TEPSIN: variants seen among roughly 807,000 people sequenced by gnomAD.
The protein encoded by TEPSIN is AP-4 complex accessory subunit tepsin.
A neutral mutation model predicts 48.5 loss-of-function variants in TEPSIN; 50 were observed. The observed-to-expected ratio is 1.03, with a 90% CI of 0.82 to 1.31. TEPSIN has a LOEUF of 1.31. Ranked by LOEUF, TEPSIN falls within the 50% of genes most tolerant of loss-of-function variation. The pLI, the probability that TEPSIN is intolerant of heterozygous loss-of-function variation, is 0.00. For missense variants in TEPSIN, 838 were observed against 815.9 expected (o/e 1.03, Z -0.33); for synonymous variants, 392 against 358.8 (o/e 1.09, Z -1.05).
chr17:81,229,707 C>T lies in TEPSIN; in HGVS notation c.1234-231G>A, dbSNP rs1178227395. 3 of 569,428 alleles carry T rather than the reference C, an allele frequency of 5.3e-6. 1 individual carries two copies. In the East Asian group the frequency reaches 9.3e-5, roughly 18 times the overall value. 35.3% of individuals were successfully genotyped at this position (569,428 alleles called of 1,614,324 possible). A position where few individuals can be genotyped will look rare whatever the true frequency, so the allele number is the denominator to read the frequency against. The stretch of plus-strand genomic sequence containing the variant: ...ACACGGGGCAGGTGTCACATACACA[C>T]CTCGAATCTTGCTCCTTTACTCACT... On this transcript the variant is annotated intron_variant, in intron 12 of 12. Coordinates refer to ENST00000637944, the MANE Select transcript of TEPSIN (RefSeq NM_001363764.2).
At position 81,234,543 on chromosome 17, in the gene TEPSIN, C is replaced by G. The variant is rs781258383; in HGVS notation, c.308-495G>C. ...TCCTTAAATCTTCCGGCCCCAGGGCCCCCCAAGCCTACACCTGGGGCCGCG... is the reference window on the plus strand; with the variant it reads ...TCCTTAAATCTTCCGGCCCCAGGGCGCCCCAAGCCTACACCTGGGGCCGCG... On this transcript the variant is annotated intron_variant, in intron 4 of 12. Coordinates refer to ENST00000637944, the MANE Select transcript of TEPSIN (RefSeq NM_001363764.2). The surrounding 1 kb of genome is among the most constrained non-coding windows in gnomAD (Gnocchi z 5.4). Among the ~76,000 whole-genome samples, 21 of 152,160 alleles carry G rather than the reference C, an allele frequency of 1.4e-4. No individual in the cohort carries two copies. The highest frequency in any genetic ancestry group is 2.6e-4 in the Non-Finnish European group (18 of 67,964).
Position 81,230,642 on chromosome 17 carries a change from C to T in TEPSIN, c.1135G>A (p.Asp379Asn), listed in dbSNP as rs771713844. The T allele has an allele frequency of 1.3e-5, 20 of 1,587,952 alleles. No individual in the cohort carries two copies. The highest frequency in any genetic ancestry group is 8.7e-5 in the Admixed American group (5 of 57,442). The change falls in exon 12 of 13, where the codon GAC becomes AAC. Residue 379 changes from aspartate to asparagine, a missense_variant. Physicochemically the swap from Asp to Asn is conservative, Grantham distance 23. Transcript: ENST00000637944. The surrounding 1 kb of genome is among the most constrained non-coding windows in gnomAD (Gnocchi z 4.2). Reference sequence around the variant, plus strand: ...AGGATGTGCTCCTGGGGGAGGAGGTCGCTGCTCCCCAGGGAGGCGATGGCA... The same window carrying T: ...AGGATGTGCTCCTGGGGGAGGAGGTTGCTGCTCCCCAGGGAGGCGATGGCA... ...LCAIASLGSS[D>N]LLPQEHILLR...
chr17:81,236,905 C>T (rs1567910089), intron 3 of TEPSIN, 75 bp downstream of exon 3: 2 of 1,532,100 alleles, frequency 1.3e-6, no homozygotes, highest in Admixed American at 2.0e-5. Flanking sequence ...CCACCCTGGG[C>T]CGCTCGTCTG....
At chr17:81,236,934 C>T (rs374152092) in intron 3 of TEPSIN, 46 bp downstream of exon 3, 39 of 1,540,596 alleles carry the variant, frequency 2.5e-5, no homozygotes, top group East Asian at 1.2e-4. Context: ...TCCTCACCAC[C>T]GTGGGCCGGG....
At position 81,234,113 on chromosome 17, in the gene TEPSIN, A is replaced by AG; in HGVS notation, c.308-66_308-65insC. 2 of 1,425,746 alleles carry AG rather than the reference A, an allele frequency of 1.4e-6. No homozygotes were observed. Among genetic ancestry groups the AG allele is most frequent in the South Asian group, 1.4e-5 (1 of 69,150 alleles). 88.3% of individuals were successfully genotyped at this position (1,425,746 alleles called of 1,614,324 possible). ...CTGGCACCGCTGCTCCCTGTGGAGCACGGTGCCCTGGGCCCACTCCAGGGT... is the reference window on the plus strand; with the variant it reads ...CTGGCACCGCTGCTCCCTGTGGAGCAGCGGTGCCCTGGGCCCACTCCAGGGT... On this transcript the variant is annotated intron_variant, in intron 4 of 12. Transcript: ENST00000637944. The surrounding 1 kb of genome is among the most constrained non-coding windows in gnomAD (Gnocchi z 5.4).
chr17:81,233,963 C>G lies in TEPSIN; in HGVS notation c.375+18G>C. ...GGAGGAGGGGCACCCCGCAGAGCGACACTGCTCCTGGGCTCACCTGCGCGG... is the reference window on the plus strand; with the variant it reads ...GGAGGAGGGGCACCCCGCAGAGCGAGACTGCTCCTGGGCTCACCTGCGCGG... On this transcript the variant is annotated intron_variant, in intron 5 of 12. Transcript: ENST00000637944. The surrounding 1 kb of genome is among the most constrained non-coding windows in gnomAD (Gnocchi z 5.8). 1.3e-6 allele frequency: 2 copies of G among 1,596,086 alleles called. No individual in the cohort carries two copies. Among genetic ancestry groups the G allele is most frequent in the Non-Finnish European group, 1.7e-6 (2 of 1,174,790 alleles).
Position 81,228,945 on chromosome 17 carries a change from C to T in TEPSIN, c.1765G>A (p.Ala589Thr), listed in dbSNP as rs746596877. The T allele has an allele frequency of 2.4e-5, 39 of 1,613,430 alleles. No homozygotes were observed. In the Admixed American group the frequency reaches 2.7e-4, roughly 11 times the overall value. ...CCATCGGGTCAGGCGTTCAGGAACG[C>T]GAAAGCTGACGGCTCTGAGCCAGGA... ...EPPGSEPSAF[A>T]FLNA The change falls in exon 13 of 13, where the codon GCG becomes ACG. Residue 589 changes from alanine (A) to threonine (T), a missense_variant. Transcript: ENST00000637944.
Position 81,233,916 on chromosome 17 carries a change from G to T in TEPSIN, c.375+65C>A. On this transcript the variant is annotated intron_variant, in intron 5 of 12. Coordinates refer to ENST00000637944, the MANE Select transcript of TEPSIN (RefSeq NM_001363764.2). This position sits in a 1 kb window ranked among gnomAD's most constrained non-coding sequence, Gnocchi z 5.8. Reference sequence around the variant, plus strand: ...TGCAAACCCCCCAGCTGACATCCTGGCCCCAATCCCACCCCTCTACAGGAG... The same window carrying T: ...TGCAAACCCCCCAGCTGACATCCTGTCCCCAATCCCACCCCTCTACAGGAG... The T allele has an allele frequency of 6.6e-7, 1 of 1,521,912 alleles. No homozygotes were observed. The highest frequency in any genetic ancestry group is 8.8e-7 in the Non-Finnish European group (1 of 1,132,750). The allele number at this position is 1,521,912 out of a possible 1,614,324, so 94.3% of individuals were successfully genotyped here.
intron 12 of TEPSIN, chr17:81,229,723 T>C: frequency 1.8e-6 from 1 of 554,690 alleles, no homozygotes; most frequent in Non-Finnish European, 3.2e-6. Flanking sequence ...ATCTTGCTCC[T>C]TTACTCACTA....
At chr17:81,237,596 A>G in intron 1 of TEPSIN, 137 bp from the exon 2 acceptor site, 1 of 915,942 alleles carries the variant, frequency 1.1e-6, no homozygotes, top group East Asian at 2.6e-5. Flanking sequence ...AAGGGATGAG[A>G]ACTGTGCTAC....
chr17:81,234,037 GC>G lies in TEPSIN; in HGVS notation c.318del (p.Pro108GlnfsTer113). On this transcript the variant is annotated frameshift_variant, in exon 5 of 13. Coordinates refer to ENST00000637944, the MANE Select transcript of TEPSIN (RefSeq NM_001363764.2). LOFTEE classifies it high-confidence loss of function. The surrounding 1 kb of genome is among the most constrained non-coding windows in gnomAD (Gnocchi z 5.4). ...CTGTTCCCGTGCAGAGGATCTGGGG[GC>G]CCTGCAAAAGCTGCAGAACAGAAAA... Reference protein sequence around the residue: ...AFIQEAAAFAGPPDPLHGNSL... With the variant: ...AFIQEAAAFAXPPDPLHGNSL... The G allele has an allele frequency of 6.3e-7, 1 of 1,592,730 alleles. No individual in the cohort carries two copies. Among genetic ancestry groups the G allele is most frequent in the Non-Finnish European group, 8.5e-7 (1 of 1,173,532 alleles).
intron 4 of TEPSIN, among the ~76,000 whole-genome samples, chr17:81,235,649 T>C (rs999992180): frequency 2.6e-5 from 4 of 151,898 alleles, no homozygotes; most frequent in Non-Finnish European, 5.9e-5. Flanking sequence ...ACGACGTACA[T>C]GCACCAACCA....
chr17:81,232,109 G>T, intron 8 of TEPSIN, 88 bp from the exon 9 acceptor site: 1 of 1,483,850 alleles, frequency 6.7e-7, no homozygotes, highest in Non-Finnish European at 9.0e-7. Flanking sequence ...AGGAGGCCTC[G>T]GGGGCTGAGT....
At position 81,233,665 on chromosome 17, in the gene TEPSIN, G is replaced by C; in HGVS notation, c.427C>G (p.Gln143Glu). 6.2e-7 allele frequency: 1 copy of C among 1,601,268 alleles called. No homozygotes were observed. The highest frequency in any genetic ancestry group is 8.5e-7 in the Non-Finnish European group (1 of 1,176,056). ...GTGGCAGGCGGGGTCCCCAGAGGCT[G>C]GGAGGGAGCCAGCGGCAACACGGTG... ...SDTVLPLAPS[Q>E]PLGTPPATGM... Residue 143 changes from glutamine to glutamate, a missense_variant, in exon 6 of 13, where the codon CAG becomes GAG. By Grantham distance (29) the Gln-to-Glu change is conservative (BLOSUM62 2). Transcript: ENST00000637944. This position sits in a 1 kb window ranked among gnomAD's most constrained non-coding sequence, Gnocchi z 5.8.
At chr17:81,238,866 A>T in intron 1 of TEPSIN, 120 bp downstream of exon 1, 2 of 1,362,654 alleles carry the variant, frequency 1.5e-6, no homozygotes, top group Non-Finnish European at 1.9e-6. Flanking sequence ...CGAAGGGGCC[A>T]GGAGCAGCTA....
In TEPSIN at chr17:81,228,532, C is replaced by T. The variant is rs559033317; in HGVS notation, c.*396G>A. 9.9e-6 allele frequency: 3 copies of T among 302,174 alleles called. No individual in the cohort carries two copies. Among genetic ancestry groups the T allele is most frequent in the East Asian group, 1.3e-4 (1 of 7,468 alleles). 18.7% of individuals were successfully genotyped at this position (302,174 alleles called of 1,614,324 possible). A position where few individuals can be genotyped will look rare whatever the true frequency, so the allele number is the denominator to read the frequency against. On this transcript the variant is annotated 3_prime_UTR_variant, in exon 13 of 13. Transcript: ENST00000637944. Reference sequence around the variant, plus strand: ...CCAAACCCAGCCTCAGCACCTAGCCCACCCCGATGGGACGGGGGAGCAGTG... The same window carrying T: ...CCAAACCCAGCCTCAGCACCTAGCCTACCCCGATGGGACGGGGGAGCAGTG...
At chr17:81,236,411 G>A (rs1416343606) in intron 4 of TEPSIN, among the ~76,000 whole-genome samples, 1 of 152,236 alleles carries the variant, frequency 6.6e-6, no homozygotes, top group East Asian at 1.9e-4. Context: ...ACCCGGGGCA[G>A]CAAGCGCAGG....
At position 81,234,410 on chromosome 17, in the gene TEPSIN, G is replaced by A. The variant is rs1481775568; in HGVS notation, c.308-362C>T. Among the ~76,000 whole-genome samples the A allele has an allele frequency of 6.6e-5, 10 of 152,202 alleles. No individual in the cohort carries two copies. Among genetic ancestry groups the A allele is most frequent in the East Asian group, 3.9e-4 (2 of 5,182 alleles). On this transcript the variant is annotated intron_variant, in intron 4 of 12. Transcript: ENST00000637944. The surrounding 1 kb of genome is among the most constrained non-coding windows in gnomAD (Gnocchi z 5.4). ...CCGGGGCCTGGAGGGAGAAACCAGC[G>A]TTCTTATCACAGCCTGAAAGCTCCA... is the stretch of plus-strand genomic sequence containing the variant.
rs1253660535 is a variant in TEPSIN at position 81,233,262 on chromosome 17, G to A, written c.526+170C>T. ...CTGGCCACACCTGCCCCACCCCCAC[G>A]TCAGCAGCCAGAGAGAGACAGTGGG... On this transcript the variant is annotated intron_variant, in intron 7 of 12. Coordinates refer to ENST00000637944, the MANE Select transcript of TEPSIN (RefSeq NM_001363764.2). This position sits in a 1 kb window ranked among gnomAD's most constrained non-coding sequence, Gnocchi z 5.8. 1.4e-5 allele frequency: 11 copies of A among 783,268 alleles called. No individual in the cohort carries two copies. Among genetic ancestry groups the A allele is most frequent in the Admixed American group, 1.2e-4 (4 of 34,032 alleles). The allele number at this position is 783,268 out of a possible 1,614,324, so 48.5% of individuals were successfully genotyped here. A position where few individuals can be genotyped will look rare whatever the true frequency, so the allele number is the denominator to read the frequency against.
Sources: allele counts gnomAD v4.1 joint callset (sites outside exome capture counted in the v4.1 genomes callset), GRCh38; gene constraint gnomAD v4.1.1; non-coding constraint Gnocchi (gnomAD v3.1); transcripts MANE v1.5; gene names NCBI Gene and HGNC (gene_info 2026-07-23, HGNC 2026-07-21).